The following NUDT1 variants were observed in gnomAD, a reference collection of about 807,000 sequenced individuals.
NUDT1 encodes nudix hydrolase 1.
In NUDT1, 16 loss-of-function variants were observed where a neutral mutation model predicts 11.3. The ratio of observed to expected loss-of-function variants is 1.41; its 90% CI spans 0.96 to 2.15. The LOEUF (loss-of-function observed/expected upper bound fraction) is 2.15, where lower values mean the gene tolerates loss of function less well. Ranked by LOEUF, NUDT1 falls within the 30% of genes most tolerant of loss-of-function variation. The probability of loss-of-function intolerance (pLI) is 0.00; values close to 1 mark genes in which losing one functional copy is unlikely to be tolerated. For synonymous variants in NUDT1, 101 were observed against 84.4 expected, an observed-to-expected ratio of 1.20 and a Z score of -1.08; for missense variants, 234 against 208.4, an observed-to-expected ratio of 1.12 and a Z score of -0.76.
chr7:2,244,453 C>G, intron 1 of NUDT1, 110 bp from the exon 2 acceptor site: 104 of 578,496 alleles, frequency 1.8e-4, no homozygotes, highest in East Asian at 2.6e-4. Flanking sequence ...TTACAGCATA[C>G]CCCCCCGCCC....
downstream of NUDT1, chr7:2,251,145 G>GT: frequency 5.7e-5 from 37 of 651,618 alleles, no homozygotes; most frequent in Non-Finnish European, 8.0e-5. Context: ...ATCTAGCGGT[G>GT]GTTTTTTTTT....
chr7:2,250,670 G>A (rs1442242150), intron 3 of NUDT1, among the ~76,000 whole-genome samples, 159 bp from the exon 4 acceptor site: 1 of 91,524 alleles, frequency 1.1e-5, no homozygotes, highest in Non-Finnish European at 2.8e-5. Context: ...GTGTTAGCCA[G>A]GATGGTCTCG....
chr7:2,249,780 G>T, intron 2 of NUDT1, 77 bp from the exon 3 acceptor site: 1 of 1,585,324 alleles, frequency 6.3e-7, no homozygotes, highest in Non-Finnish European at 8.6e-7. Flanking sequence ...TAGATGCCCA[G>T]CTCCTCCTCC....
chr7:2,251,050 C>G lies in NUDT1; in HGVS notation c.*49C>G. On this transcript the variant is annotated 3_prime_UTR_variant, in exon 4 of 4. Coordinates refer to ENST00000356714, the MANE Select transcript of NUDT1 (RefSeq NM_002452.4). ...GCAGGAGACGTGGCTGCTGAACAGCCGCAAACCATCTTCACCTGGGGGCAT... is the reference window on the plus strand; with the variant it reads ...GCAGGAGACGTGGCTGCTGAACAGCGGCAAACCATCTTCACCTGGGGGCAT... The G allele has an allele frequency of 1.3e-6, 2 of 1,592,964 alleles. No individual in the cohort carries two copies. The highest frequency in any genetic ancestry group is 1.1e-5 in the South Asian group (1 of 90,466).
chr7:2,244,841 G>A (rs577146614), intron 2 of NUDT1, 115 bp downstream of exon 2: 1 of 1,274,100 alleles, frequency 7.8e-7, no homozygotes, highest in Non-Finnish European at 1.1e-6. Context: ...GGAGCAGGGG[G>A]TTAAGCGTGA....
At position 2,251,002 on chromosome 7, in the gene NUDT1, C is replaced by T. The variant is rs746332503; in HGVS notation, c.*1C>T. ...ACTCCGCGAGGTGGACACGGTCTAG[C>T]GGGAGCCCAGGGCAGCCCCTGGGCA... On this transcript the variant is annotated 3_prime_UTR_variant, in exon 4 of 4. Transcript: ENST00000356714. The T allele has an allele frequency of 5.0e-6, 8 of 1,613,604 alleles. No individual in the cohort carries two copies. Among genetic ancestry groups the T allele is most frequent in the African/African-American group, 4.0e-5 (3 of 74,898 alleles).
chr7:2,247,787 T>G (rs1794828729), intron 2 of NUDT1, among the ~76,000 whole-genome samples: 1 of 152,216 alleles, frequency 6.6e-6, no homozygotes, highest in South Asian at 2.1e-4. Flanking sequence ...CGCTGCCATG[T>G]GCTAGGGAAG....
intron 2 of NUDT1, among the ~76,000 whole-genome samples, chr7:2,245,877 C>T (rs59526924): frequency 3.0e-4 from 45 of 152,118 alleles, no homozygotes; most frequent in African/African-American, 1.0e-3. Context: ...GCCGATTTCC[C>T]GGGGTACATG....
At chr7:2,249,109 G>A (rs904589952) in intron 2 of NUDT1, among the ~76,000 whole-genome samples, 34 of 152,342 alleles carry the variant, frequency 2.2e-4, no homozygotes, top group Admixed American at 1.0e-3. Context: ...GTTCCCAGGC[G>A]CAGCAGCACT....
Position 2,250,705 on chromosome 7 carries a change from G to T in NUDT1, c.299-124G>T, listed in dbSNP as rs556154437. 7 of 722,390 alleles carry T rather than the reference G, an allele frequency of 9.7e-6. No individual in the cohort carries two copies. In the East Asian group the frequency reaches 1.1e-4, roughly 11 times the overall value. 44.7% of individuals were successfully genotyped at this position (722,390 alleles called of 1,614,324 possible). ...GATCTCCTGACCTCGTGATCCTCCC[G>T]CCTCGGCCTCCCAAAGTGCTGGGAT... is the stretch of plus-strand genomic sequence containing the variant. On this transcript the variant is annotated intron_variant, in intron 3 of 3. Coordinates refer to ENST00000356714, the MANE Select transcript of NUDT1 (RefSeq NM_002452.4).
intron 1 of NUDT1, chr7:2,243,075 T>C (rs1395473990): frequency 1.4e-6 from 1 of 713,792 alleles, no homozygotes; most frequent in Non-Finnish European, 2.6e-6. Context: ...GTCGGGCTGC[T>C]GAGCAGCCTG....
chr7:2,243,017 TGGG>T (rs1186040683), intron 1 of NUDT1: 2 of 717,110 alleles, frequency 2.8e-6, no homozygotes, highest in South Asian at 3.0e-5. Flanking sequence ...CCTCAGCAGA[TGGG>T]GGAGCCAGAA....
chr7:2,244,510 G>T lies in NUDT1; in HGVS notation c.-12-53G>T. 7.1e-6 allele frequency: 9 copies of T among 1,258,908 alleles called. No individual in the cohort carries two copies. In the East Asian group the frequency reaches 1.0e-4, roughly 14 times the overall value. 78.0% of individuals were successfully genotyped at this position (1,258,908 alleles called of 1,614,324 possible). On this transcript the variant is annotated intron_variant, in intron 1 of 3. Transcript: ENST00000356714. ...TCCCCTTCCTCCTGGCCCCTGGCAC[G>T]TGCTTCCTCCACGCACGTCATGGCT...
At chr7:2,245,724 C>A (rs181973279) in intron 2 of NUDT1, among the ~76,000 whole-genome samples, 1 of 152,058 alleles carries the variant, frequency 6.6e-6, no homozygotes, top group Non-Finnish European at 1.5e-5. Flanking sequence ...ACGCTCAGTT[C>A]GTTTTTTAAT....
intron 3 of NUDT1, among the ~76,000 whole-genome samples, chr7:2,250,579 T>C (rs1288833770): frequency 1.3e-5 from 2 of 151,742 alleles, no homozygotes; most frequent in African/African-American, 4.8e-5. Flanking sequence ...TGCCTCAGCC[T>C]CCCAAGTAGC....
chr7:2,242,397 G>A, intron 1 of NUDT1, 141 bp downstream of exon 1: 4 of 513,016 alleles, frequency 7.8e-6, no homozygotes, highest in Non-Finnish European at 1.4e-5. Flanking sequence ...GACCAGAAGA[G>A]CAGGGTCGGG....
In NUDT1 at chr7:2,244,690, T is replaced by G. The variant is rs767068640; in HGVS notation, c.116T>G (p.Val39Gly). ...AGRWNGFGGK[V>G]QEGETIEDGA... ...CGGTGGAATGGCTTTGGGGGCAAAGTGCAAGAAGGAGAGACCATCGAGGAT... is the reference window on the plus strand; with the variant it reads ...CGGTGGAATGGCTTTGGGGGCAAAGGGCAAGAAGGAGAGACCATCGAGGAT... The change falls in exon 2 of 4, where the codon GTG (valine) becomes GGG (glycine). Residue 39 changes from valine to glycine, a missense_variant. Val to Gly is a moderately radical substitution (Grantham distance 109). Coordinates refer to ENST00000356714, the MANE Select transcript of NUDT1 (RefSeq NM_002452.4). The G allele has an allele frequency of 1.9e-6, 3 of 1,612,932 alleles. No individual in the cohort carries two copies. The African/African-American group carries it at 4.0e-5, about 22-fold the overall frequency.
In NUDT1 at chr7:2,249,091, A is replaced by G. The variant is rs565881568; in HGVS notation, c.153-766A>G. On this transcript the variant is annotated intron_variant, in intron 2 of 3. Coordinates refer to ENST00000356714, the MANE Select transcript of NUDT1 (RefSeq NM_002452.4). ...TGGCTCTGTGTGCCACGAAGCAGGG[A>G]AGGGCTTGTTCCCAGGCGCAGCAGC... 2.0e-5 allele frequency among the ~76,000 whole-genome samples: 3 copies of G among 152,332 alleles called. No individual in the cohort carries two copies. The South Asian group carries it at 6.2e-4, about 32-fold the overall frequency.
chr7:2,247,514 G>A (rs1395949231), intron 2 of NUDT1, among the ~76,000 whole-genome samples: 2 of 152,204 alleles, frequency 1.3e-5, no homozygotes, highest in African/African-American at 2.4e-5. Context: ...TAGCGAGGCC[G>A]GGGACACAGG....
Sources: gnomAD v4.1 joint callset for allele counts (sites outside exome capture counted in the v4.1 genomes callset) on GRCh38, gnomAD v4.1.1 for gene constraint, MANE v1.5 for transcripts, NCBI Gene and HGNC (gene_info 2026-07-23, HGNC 2026-07-21) for gene names.